The following ST7 variants were observed in gnomAD, a reference collection of about 807,000 sequenced individuals.
ST7 encodes suppressor of tumorigenicity 7 protein.
A neutral mutation model predicts 78.7 loss-of-function variants in ST7; 28 were observed. The ratio of observed to expected loss-of-function variants is 0.36; its 90% confidence interval spans 0.26 to 0.49. ST7 has a LOEUF of 0.49. ST7 is among the 20% of genes least tolerant of loss of function. The pLI, the probability that ST7 is intolerant of heterozygous loss-of-function variation, is 0.99. For synonymous variants in ST7, 247 were observed against 249.6 expected, an observed-to-expected ratio of 0.99 and a Z score of 0.10; for missense variants, 418 against 696.0, an observed-to-expected ratio of 0.60 and a Z score of 4.49.
chr7:117,031,858 C>CA (rs1796605507), intron 1 of ST7, among the ~76,000 whole-genome samples: 1 of 113,188 alleles, frequency 8.8e-6, no homozygotes, highest in East Asian at 3.8e-4. Context: ...ATATCTATAT[C>CA]TATCTATCTA....
At chr7:117,097,906 ATATTTTTTTT>A (rs1388619931) in intron 1 of ST7, among the ~76,000 whole-genome samples, 2 of 30,952 alleles carry the variant, frequency 6.5e-5, no homozygotes, top group African/African-American at 2.7e-4. Context: ...ATATATATAT[ATATTTTTTTT>A]TTTTTTTTTT....
intron 1 of ST7, among the ~76,000 whole-genome samples, chr7:116,958,282 C>T (rs1004667625): frequency 2.6e-5 from 4 of 151,178 alleles, no homozygotes; most frequent in Admixed American, 6.6e-5. Context: ...TGTGAGCCAC[C>T]GTGCCTGGTC....
chr7:117,050,488 G>C (rs1261870175), intron 1 of ST7, among the ~76,000 whole-genome samples: 1 of 152,206 alleles, frequency 6.6e-6, no homozygotes, highest in Non-Finnish European at 1.5e-5. Context: ...CCTGACTGCG[G>C]ATGGTGCCAT....
chr7:117,116,580 C>A (rs1802903476), intron 2 of ST7, among the ~76,000 whole-genome samples: 1 of 152,174 alleles, frequency 6.6e-6, no homozygotes, highest in Non-Finnish European at 1.5e-5. Flanking sequence ...TTCTTCCCTT[C>A]TTTCTTTCCT....
chr7:117,070,409 G>A (rs184552456), intron 1 of ST7, among the ~76,000 whole-genome samples: 19 of 152,304 alleles, frequency 1.2e-4, no homozygotes, highest in Admixed American at 8.5e-4. Flanking sequence ...TATTCTAAGG[G>A]TGGTTGTCAG....
intron 1 of ST7, among the ~76,000 whole-genome samples, chr7:117,086,726 C>A (rs941326946): frequency 3.3e-5 from 5 of 152,118 alleles, no homozygotes; most frequent in Admixed American, 1.3e-4. Context: ...CCAGTTTCCA[C>A]CGACTGTTAC....
At chr7:117,018,833 C>T (rs189080724) in intron 1 of ST7, among the ~76,000 whole-genome samples, 106 of 152,292 alleles carry the variant, frequency 7.0e-4, no homozygotes, top group African/African-American at 2.4e-3. Context: ...TATTCTTTCC[C>T]GCAACAGATG....
chr7:117,050,021 A>G (rs1157134960), intron 1 of ST7, among the ~76,000 whole-genome samples: 1 of 150,220 alleles, frequency 6.7e-6, no homozygotes, highest in East Asian at 2.0e-4. Flanking sequence ...CCCGGCTAAC[A>G]CGGTGAAACC....
intron 1 of ST7, chr7:117,098,698 A>T: frequency 1.8e-6 from 2 of 1,083,536 alleles, no homozygotes; most frequent in Non-Finnish European, 2.4e-6. Context: ...CTCAGGACAG[A>T]TGCCAAAGCC....
At chr7:117,217,293 A>C (rs1247094708) in intron 13 of ST7, among the ~76,000 whole-genome samples, 4 of 151,980 alleles carry the variant, frequency 2.6e-5, no homozygotes, top group East Asian at 1.9e-4. Flanking sequence ...TTTGGGAAAA[A>C]AAAAAACAAA....
chr7:117,138,590 G>T, intron 9 of ST7, 58 bp downstream of exon 9: 1 of 1,229,722 alleles, frequency 8.1e-7, no homozygotes, highest in South Asian at 1.3e-5. Flanking sequence ...CCCGCTGAAT[G>T]GCCATAGCAG....
chr7:117,055,885 G>T (rs912081128), intron 1 of ST7, among the ~76,000 whole-genome samples: 1 of 152,068 alleles, frequency 6.6e-6, no homozygotes, highest in Non-Finnish European at 1.5e-5. Context: ...TAACTTACAC[G>T]ATCACAAGGT....
intron 1 of ST7, among the ~76,000 whole-genome samples, chr7:117,017,022 C>T (rs1795648172): frequency 6.6e-6 from 1 of 152,076 alleles, no homozygotes; most frequent in African/African-American, 2.4e-5. Flanking sequence ...ATTTAAGGGG[C>T]CCAAAACACT....
intron 1 of ST7, among the ~76,000 whole-genome samples, chr7:116,993,208 A>G (rs1794504334): frequency 6.6e-6 from 1 of 152,160 alleles, no homozygotes; most frequent in South Asian, 2.1e-4. Flanking sequence ...ACTGGCAACA[A>G]TGTACTGTAT....
At chr7:117,034,084 G>A (rs1341557709) in intron 1 of ST7, among the ~76,000 whole-genome samples, 1 of 152,058 alleles carries the variant, frequency 6.6e-6, no homozygotes, top group African/African-American at 2.4e-5. Context: ...TAGGACCACA[G>A]GTGCACACCA....
intron 2 of ST7, among the ~76,000 whole-genome samples, chr7:117,109,224 TG>T (rs1379681427): frequency 6.6e-6 from 1 of 152,208 alleles, no homozygotes; most frequent in Non-Finnish European, 1.5e-5. Context: ...TAATGTTGGC[TG>T]GGGGTTTGTC....
At chr7:117,068,538 T>C (rs1798757273) in intron 1 of ST7, among the ~76,000 whole-genome samples, 1 of 152,254 alleles carries the variant, frequency 6.6e-6, no homozygotes, top group Non-Finnish European at 1.5e-5. Flanking sequence ...CTGAAAATAA[T>C]TGGCTGTCCT....
intron 7 of ST7, among the ~76,000 whole-genome samples, chr7:117,135,275 G>C (rs1355397238): frequency 1.3e-5 from 2 of 152,066 alleles, no homozygotes; most frequent in African/African-American, 2.4e-5. Context: ...CACCTAAGAG[G>C]GTTGTTGAAA....
chr7:117,178,225 T>G (rs993931756), intron 10 of ST7, among the ~76,000 whole-genome samples: 5 of 152,200 alleles, frequency 3.3e-5, no homozygotes, highest in African/African-American at 1.2e-4. Context: ...TGTTGAGTCC[T>G]TATTATGTTG....
Sources: allele counts gnomAD v4.1 joint callset (sites outside exome capture counted in the v4.1 genomes callset), GRCh38; gene constraint gnomAD v4.1.1; transcripts MANE v1.5; gene names NCBI Gene and HGNC (gene_info 2026-07-23, HGNC 2026-07-21).